MED12L: variants seen among roughly 807,000 people sequenced by gnomAD.
MED12L encodes mediator complex subunit 12L.
MED12L carries 60 observed loss-of-function variants against 281.3 expected under a neutral mutation model. The ratio of observed to expected loss-of-function variants is 0.21; its 90% CI spans 0.17 to 0.26. The LOEUF (loss-of-function observed/expected upper bound fraction) is 0.26. Ranked by LOEUF, MED12L falls within the 10% of genes least tolerant of loss-of-function variation. The pLI is 1.00. For synonymous variants in MED12L, 974 were observed against 987.2 expected, an observed-to-expected ratio of 0.99 and a Z score of 0.25; for missense variants, 2,146 against 2,680.9, an observed-to-expected ratio of 0.80 and a Z score of 4.41.
intron 11 of MED12L, among the ~76,000 whole-genome samples, chr3:151,171,293 C>G (rs16863203): frequency 0.021 from 3,249 of 152,222 alleles, 122 homozygotes; most frequent in East Asian, 0.18. Flanking sequence ...GAGTTGCTCT[C>G]TTTGCTTTTC....
At chr3:151,137,250 T>C (rs986279650) in intron 5 of MED12L, among the ~76,000 whole-genome samples, 2 of 152,166 alleles carry the variant, frequency 1.3e-5, no homozygotes, top group African/African-American at 4.8e-5. Flanking sequence ...TATTCTGTAT[T>C]TTACAACCAA....
chr3:151,347,198 C>T (rs898218921), intron 16 of MED12L, among the ~76,000 whole-genome samples: 3 of 152,102 alleles, frequency 2.0e-5, no homozygotes, highest in Non-Finnish European at 4.4e-5. Flanking sequence ...TCATTTTTCT[C>T]AACACTTAAT....
At chr3:151,348,468 T>C (rs1212930468) in intron 16 of MED12L, among the ~76,000 whole-genome samples, 7 of 152,094 alleles carry the variant, frequency 4.6e-5, no homozygotes, top group Admixed American at 2.6e-4. Context: ...GGATCACTGC[T>C]TATGTCATTT....
intron 16 of MED12L, chr3:151,340,527 G>T (rs891302360): frequency 4.9e-4 from 75 of 152,606 alleles, no homozygotes; most frequent in African/African-American, 1.7e-3. Flanking sequence ...GAGAAACTTG[G>T]AAAAAATGTA....
At chr3:151,111,830 T>C (rs921305374) in intron 2 of MED12L, among the ~76,000 whole-genome samples, 2 of 152,110 alleles carry the variant, frequency 1.3e-5, no homozygotes, top group African/African-American at 4.8e-5. Context: ...GCTGTGGAAA[T>C]CTGGGCGGGG....
At chr3:151,162,627 T>C (rs984611166) in intron 8 of MED12L, among the ~76,000 whole-genome samples, 5 of 151,784 alleles carry the variant, frequency 3.3e-5, no homozygotes, top group African/African-American at 1.2e-4. Context: ...TTCTTAGAGA[T>C]GGGGTTTCAC....
chr3:151,257,172 C>T (rs968080701), intron 16 of MED12L, among the ~76,000 whole-genome samples: 5 of 152,152 alleles, frequency 3.3e-5, no homozygotes, highest in African/African-American at 7.2e-5. Context: ...GAAGTGACCT[C>T]GCCTGGAAAG....
At chr3:151,415,533 G>A (rs560422981) in intron 42 of MED12L, among the ~76,000 whole-genome samples, 1 of 152,326 alleles carries the variant, frequency 6.6e-6, no homozygotes, top group South Asian at 2.1e-4. Flanking sequence ...TTAGTTGGCT[G>A]TAAAGCAGAC....
intron 5 of MED12L, among the ~76,000 whole-genome samples, chr3:151,128,890 A>C (rs1714936087): frequency 6.6e-6 from 1 of 152,236 alleles, no homozygotes; most frequent in South Asian, 2.1e-4. Flanking sequence ...ATTCTCACCA[A>C]GTCCCCAGTG....
chr3:151,378,950 C>T (rs987322479), intron 31 of MED12L, among the ~76,000 whole-genome samples: 1 of 152,184 alleles, frequency 6.6e-6, no homozygotes. Context: ...GGTAGGTACT[C>T]TCATTATCTT....
intron 16 of MED12L, among the ~76,000 whole-genome samples, chr3:151,251,185 T>G (rs1394171974): frequency 6.6e-6 from 1 of 152,210 alleles, no homozygotes; most frequent in Non-Finnish European, 1.5e-5. Flanking sequence ...GTGACATCTC[T>G]GCCAGCATCT....
At chr3:151,402,611 G>A (rs1402137773) in intron 39 of MED12L, among the ~76,000 whole-genome samples, 1 of 152,170 alleles carries the variant, frequency 6.6e-6, no homozygotes, top group African/African-American at 2.4e-5. Context: ...TCACATGGGG[G>A]TTCCAAAGCC....
At chr3:151,165,579 GCTT>G in intron 10 of MED12L, 60 bp downstream of exon 10, 1 of 1,433,548 alleles carries the variant, frequency 7.0e-7, no homozygotes, top group African/African-American at 1.4e-5. Context: ...CTGTGTTTTT[GCTT>G]CTTATAAACC....
chr3:151,231,540 A>G (rs566034707), intron 16 of MED12L, among the ~76,000 whole-genome samples: 8 of 152,330 alleles, frequency 5.3e-5, no homozygotes, highest in African/African-American at 9.6e-5. Flanking sequence ...CAATCAGACA[A>G]ATTTAGAATA....
chr3:151,293,996 TC>T, intron 16 of MED12L: 1 of 596,584 alleles, frequency 1.7e-6, no homozygotes. Context: ...ATACGCTACC[TC>T]TTGTTTATCT....
intron 39 of MED12L, among the ~76,000 whole-genome samples, chr3:151,406,803 T>TTC (rs11368716): frequency 6.3e-4 from 4 of 6,354 alleles, no homozygotes; most frequent in African/African-American, 2.3e-3. Flanking sequence ...CTTCTTCTTC[T>TTC]TTTTTTTTTT....
At chr3:151,280,791 G>A (rs1269670189) in intron 16 of MED12L, among the ~76,000 whole-genome samples, 4 of 151,564 alleles carry the variant, frequency 2.6e-5, no homozygotes, top group Admixed American at 6.6e-5. Context: ...CGATTGAAGC[G>A]TACTCTGTGC....
At chr3:151,238,131 T>G (rs1206516534) in intron 16 of MED12L, among the ~76,000 whole-genome samples, 1 of 86,626 alleles carries the variant, frequency 1.2e-5, no homozygotes, top group East Asian at 3.3e-4. Flanking sequence ...CAGTGCACAT[T>G]TTTTCTTTTT....
Position 151,158,746 on chromosome 3 carries a change from A to T in MED12L, c.784A>T (p.Ile262Phe). ...LTWILDVLEK[I>F]RPMDDDLLKL... ...ATGGATCCTGGATGTTTTAGAAAAG[A>T]TCAGACCAATGGATGATGATCTTCT... is the stretch of plus-strand genomic sequence containing the variant. The change falls in exon 7 of 45, where the codon ATC becomes TTC. Residue 262 changes from isoleucine (I) to phenylalanine (F), a missense_variant. Physicochemically the swap from Ile to Phe is conservative, Grantham distance 21. Transcript: ENST00000687756. The T allele has an allele frequency of 3.1e-6, 5 of 1,613,480 alleles. No homozygotes were observed. Among genetic ancestry groups the T allele is most frequent in the Non-Finnish European group, 3.4e-6 (4 of 1,179,628 alleles).
Sources: allele counts gnomAD v4.1 joint callset (sites outside exome capture counted in the v4.1 genomes callset), GRCh38; gene constraint gnomAD v4.1.1; transcripts MANE v1.5; gene names NCBI Gene and HGNC (gene_info 2026-07-23, HGNC 2026-07-21).